UTRN: variants seen among roughly 807,000 people sequenced by gnomAD.
UTRN encodes utrophin.
In UTRN, 283 loss-of-function variants were observed where a neutral mutation model predicts 463.9. That is an observed-to-expected ratio of 0.61 (90% CI 0.55 to 0.67). The LOEUF (loss-of-function observed/expected upper bound fraction) is 0.67, where lower values mean the gene tolerates loss of function less well. UTRN is among the 30% of genes least tolerant of loss of function. UTRN has a pLI of 0.00. For missense variants in UTRN, 3,922 were observed against 4,084.3 expected (o/e 0.96, Z 1.08); for synonymous variants, 1,442 against 1,431.5 (o/e 1.01, Z -0.17).
intron 51 of UTRN, among the ~76,000 whole-genome samples, chr6:144,581,392 A>G (rs999694230): frequency 1.3e-5 from 2 of 152,122 alleles, no homozygotes; most frequent in African/African-American, 2.4e-5. Flanking sequence ...TTGCTGGGTA[A>G]AATCCTGAGT....
chr6:144,433,074 C>T (rs1036635896), intron 9 of UTRN, among the ~76,000 whole-genome samples: 2 of 152,314 alleles, frequency 1.3e-5, no homozygotes, highest in Non-Finnish European at 2.9e-5. Context: ...AAAAGTCTCC[C>T]ATGTCTCCTT....
At chr6:144,392,309 T>C (rs976961130) in intron 2 of UTRN, among the ~76,000 whole-genome samples, 8 of 152,218 alleles carry the variant, frequency 5.3e-5, no homozygotes, top group African/African-American at 1.2e-4. Context: ...TTTAGTCTTA[T>C]AATCAGCAGC....
At chr6:144,560,141 A>G (rs1799731440) in intron 50 of UTRN, among the ~76,000 whole-genome samples, 1 of 152,226 alleles carries the variant, frequency 6.6e-6, no homozygotes. Context: ...TCCTATGTTA[A>G]TGAATAAACT....
intron 73 of UTRN, among the ~76,000 whole-genome samples, chr6:144,845,246 C>T (rs776884308): frequency 8.5e-5 from 13 of 152,222 alleles, no homozygotes; most frequent in Non-Finnish European, 1.5e-4. Context: ...AGTGTACTTA[C>T]TAAAATTCCC....
intron 51 of UTRN, chr6:144,583,129 CA>C (rs1282675060): frequency 1.1e-5 from 2 of 186,348 alleles, no homozygotes; most frequent in African/African-American, 2.3e-5. Flanking sequence ...TTTCTATCTG[CA>C]GCTTTAATGT....
intron 23 of UTRN, among the ~76,000 whole-genome samples, chr6:144,466,250 T>G (rs998617000): frequency 2.6e-5 from 4 of 152,260 alleles, no homozygotes; most frequent in Non-Finnish European, 5.9e-5. Flanking sequence ...ATTTAAACTT[T>G]GAAAGTGTTT....
intron 62 of UTRN, among the ~76,000 whole-genome samples, chr6:144,793,072 C>T (rs1327405412): frequency 1.3e-5 from 2 of 151,994 alleles, no homozygotes; most frequent in African/African-American, 4.8e-5. Flanking sequence ...GAATGGGAGA[C>T]TGGCCCAAAG....
At chr6:144,430,759 A>C (rs1464985092) in intron 9 of UTRN, among the ~76,000 whole-genome samples, 1 of 152,154 alleles carries the variant, frequency 6.6e-6, no homozygotes, top group Non-Finnish European at 1.5e-5. Flanking sequence ...GATTTCTTTA[A>C]AAAATATTAT....
At position 144,523,130 on chromosome 6, in the gene UTRN, C is replaced by G. The variant is rs369995476; in HGVS notation, c.5848C>G (p.Leu1950Val). The G allele has an allele frequency of 1.9e-6, 3 of 1,613,194 alleles. No homozygotes were observed. Among genetic ancestry groups the G allele is most frequent in the Admixed American group, 3.3e-5 (2 of 59,892 alleles). ...GPEAIQIRDT[L>V]TQLNAKWDRI... The stretch of plus-strand genomic sequence containing the variant: ...TGAAGCCATTCAGATCAGAGATACA[C>G]TTACTCAGCTGAATGCAAAATGGGA... Residue 1950 changes from leucine (L) to valine (V), a missense_variant, in exon 41 of 75, where the codon CTT becomes GTT. By Grantham distance (32) the Leu-to-Val change is conservative. This residue lies in a region of UTRN where 2,349 missense variants were observed against 2,303.8 expected (regional missense o/e 1.02). Transcript: ENST00000367545.
chr6:144,650,952 C>T (rs1027677135), intron 51 of UTRN, among the ~76,000 whole-genome samples: 1 of 151,832 alleles, frequency 6.6e-6, no homozygotes, highest in African/African-American at 2.4e-5. Flanking sequence ...ATTGATAAAT[C>T]TTTATGTAAC....
At chr6:144,583,066 C>CGT (rs1802127797) in intron 51 of UTRN, 1 of 159,310 alleles carries the variant, frequency 6.3e-6, no homozygotes, top group Non-Finnish European at 1.4e-5. Context: ...ACAGGGCATG[C>CGT]ACCGTGGTGG....
intron 51 of UTRN, among the ~76,000 whole-genome samples, chr6:144,635,535 C>CTTTTTTTTTTTTTTTTTTTTT (rs1219903798): frequency 1.5e-4 from 5 of 33,184 alleles, no homozygotes; most frequent in South Asian, 2.3e-3. Context: ...TTTTTCTTTT[C>CTTTTTTTTTTTTTTTTTTTTT]TTTTTTTTTT....
At chr6:144,766,580 G>A (rs1793368437) in intron 58 of UTRN, among the ~76,000 whole-genome samples, 1 of 151,942 alleles carries the variant, frequency 6.6e-6, no homozygotes, top group African/African-American at 2.4e-5. Flanking sequence ...CTGAGGCATG[G>A]CCACTCCACT....
At chr6:144,732,707 TGTTATGTTATGTTATGTTA>T (rs1562834098) in intron 54 of UTRN, among the ~76,000 whole-genome samples, 1 of 151,318 alleles carries the variant, frequency 6.6e-6, no homozygotes, top group Non-Finnish European at 1.5e-5. Flanking sequence ...TGTTATGTTA[TGTTATGTTATGTTATGTTA>T]TTTTGAGACA....
chr6:144,471,491 C>T (rs1790656606), intron 23 of UTRN, among the ~76,000 whole-genome samples: 2 of 152,200 alleles, frequency 1.3e-5, no homozygotes, highest in Non-Finnish European at 2.9e-5. Flanking sequence ...TCTGTGGTGA[C>T]AAGTTAAACG....
intron 54 of UTRN, among the ~76,000 whole-genome samples, chr6:144,746,091 C>A (rs889036264): frequency 1.3e-4 from 20 of 151,962 alleles, no homozygotes; most frequent in African/African-American, 4.8e-4. Flanking sequence ...ACCTCTGCCT[C>A]CCGGGGTCAA....
intron 2 of UTRN, among the ~76,000 whole-genome samples, chr6:144,314,926 GTATA>G (rs201898190): frequency 1.3e-5 from 2 of 151,740 alleles, no homozygotes; most frequent in African/African-American, 4.9e-5. Flanking sequence ...AAATACCTAT[GTATA>G]TATATACCTC....
chr6:144,349,718 T>C (rs996589937), intron 2 of UTRN, among the ~76,000 whole-genome samples: 3 of 152,206 alleles, frequency 2.0e-5, no homozygotes, highest in Non-Finnish European at 2.9e-5. Context: ...TTGAAAGGCA[T>C]GCTCATGAAA....
intron 41 of UTRN, 49 bp from the exon 42 acceptor site, chr6:144,531,003 A>T (rs1797007643): frequency 6.4e-7 from 1 of 1,571,780 alleles, no homozygotes; most frequent in South Asian, 1.2e-5. Flanking sequence ...GGCTTTAGGC[A>T]GTCCTGGAAA....
Sources: gnomAD v4.1 joint callset for allele counts (sites outside exome capture counted in the v4.1 genomes callset) on GRCh38, gnomAD v4.1.1 for gene constraint, gnomAD v4.1.1 regional missense constraint, MANE v1.5 for transcripts, NCBI Gene and HGNC (gene_info 2026-07-23, HGNC 2026-07-21) for gene names.